PSMF1: variants seen among roughly 807,000 people sequenced by gnomAD.
The protein encoded by PSMF1 is proteasome inhibitor PI31 subunit.
In PSMF1, 30 loss-of-function variants were observed where a neutral mutation model predicts 29.3. That is an observed-to-expected ratio of 1.02 (90% CI 0.77 to 1.39). PSMF1 has a LOEUF of 1.39. Among genes scored for constraint, PSMF1 ranks in the 40% most tolerant of loss-of-function variants. The pLI is 0.00. For synonymous variants in PSMF1, 134 were observed against 139.7 expected, an observed-to-expected ratio of 0.96 and a Z score of 0.29; for missense variants, 344 against 357.5, an observed-to-expected ratio of 0.96 and a Z score of 0.31.
At chr20:1,130,769 A>G (rs1212007217) in intron 3 of PSMF1, among the ~76,000 whole-genome samples, 1 of 152,184 alleles carries the variant, frequency 6.6e-6, no homozygotes, top group Non-Finnish European at 1.5e-5. Context: ...TGAGCCTCCC[A>G]AATAATTGGG....
chr20:1,157,653 C>G (rs1201661073), intron 4 of PSMF1, among the ~76,000 whole-genome samples: 1 of 152,140 alleles, frequency 6.6e-6, no homozygotes, highest in African/African-American at 2.4e-5. Context: ...AATTACAGTC[C>G]TCGTTTCTGC....
chr20:1,119,223 T>C (rs1197669066), intron 1 of PSMF1, among the ~76,000 whole-genome samples: 1 of 151,964 alleles, frequency 6.6e-6, no homozygotes, highest in Non-Finnish European at 1.5e-5. Flanking sequence ...TAGACAGGAG[T>C]TTAGCTCCCC....
In PSMF1 at chr20:1,164,962, T is replaced by C; in HGVS notation, c.765-67T>C. On this transcript the variant is annotated intron_variant, in intron 6 of 6. Transcript: ENST00000335877. This position sits in a 1 kb window ranked among gnomAD's most constrained non-coding sequence, Gnocchi z 4.1. The stretch of plus-strand genomic sequence containing the variant: ...AAGGGCAGGCTCCCTCAGTGCAGGG[T>C]CATGTCTGCCCATGTTCCCCTGGTC... The C allele has an allele frequency of 7.3e-7, 1 of 1,371,608 alleles. No homozygotes were observed. The highest frequency in any genetic ancestry group is 1.0e-6 in the Non-Finnish European group (1 of 959,764). The allele number at this position is 1,371,608 out of a possible 1,614,324, so 85.0% of individuals were successfully genotyped here. A position where few individuals can be genotyped will look rare whatever the true frequency, so the allele number is the denominator to read the frequency against.
chr20:1,147,857 T>G (rs1600162523), intron 4 of PSMF1, among the ~76,000 whole-genome samples: 1 of 152,128 alleles, frequency 6.6e-6, no homozygotes, highest in Non-Finnish European at 1.5e-5. Flanking sequence ...ATGCCCAGTT[T>G]TGGGGGGAGG....
At chr20:1,141,288 G>A (rs560109401) in intron 4 of PSMF1, among the ~76,000 whole-genome samples, 16 of 152,116 alleles carry the variant, frequency 1.1e-4, no homozygotes, top group Non-Finnish European at 1.6e-4. Flanking sequence ...TAAAAACCAT[G>A]CGTTATACAT....
chr20:1,127,564 A>G, intron 3 of PSMF1, 56 bp downstream of exon 3: 5 of 1,381,208 alleles, frequency 3.6e-6, no homozygotes, highest in Non-Finnish European at 5.2e-6. Flanking sequence ...TAATGGCAAG[A>G]TATGAGGAAT....
chr20:1,140,357 T>C (rs1345128160), intron 4 of PSMF1, among the ~76,000 whole-genome samples: 2 of 152,164 alleles, frequency 1.3e-5, no homozygotes, highest in Non-Finnish European at 2.9e-5. Flanking sequence ...AGAGAAACCA[T>C]AGTCTTTTCA....
intron 4 of PSMF1, among the ~76,000 whole-genome samples, chr20:1,138,660 C>CA (rs1253055733): frequency 6.6e-6 from 1 of 151,282 alleles, no homozygotes; most frequent in Non-Finnish European, 1.5e-5. Context: ...CCTGTCTTTA[C>CA]AAAAAAAATT....
At chr20:1,152,984 T>G (rs1006703587) in intron 4 of PSMF1, among the ~76,000 whole-genome samples, 5 of 152,234 alleles carry the variant, frequency 3.3e-5, no homozygotes, top group South Asian at 2.1e-4. Context: ...CAAGCCTGTT[T>G]ATAGAGATTT....
chr20:1,146,841 G>A (rs544484005), intron 4 of PSMF1, among the ~76,000 whole-genome samples: 15 of 152,268 alleles, frequency 9.9e-5, no homozygotes, highest in Non-Finnish European at 1.8e-4. Flanking sequence ...GAATGTGATC[G>A]TGGATATCAC....
rs1320189322 is a variant in PSMF1, at chr20:1,170,375, A to G, written c.*5295A>G. On this transcript the variant is annotated 3_prime_UTR_variant, in exon 7 of 7. Coordinates refer to ENST00000335877, the MANE Select transcript of PSMF1 (RefSeq NM_006814.5). Reference sequence around the variant, plus strand: ...CACATTATGATTAATGCATGCATGAACTCTGATTCGAAGTTTTCGTTGATT... The same window carrying G: ...CACATTATGATTAATGCATGCATGAGCTCTGATTCGAAGTTTTCGTTGATT... Among the ~76,000 whole-genome samples the G allele has an allele frequency of 2.0e-5, 3 of 151,998 alleles. No individual in the cohort carries two copies. The highest frequency in any genetic ancestry group is 7.3e-5 in the African/African-American group (3 of 41,362).
intron 4 of PSMF1, among the ~76,000 whole-genome samples, chr20:1,144,584 T>C (rs1174354864): frequency 3.9e-5 from 6 of 152,248 alleles, no homozygotes; most frequent in Admixed American, 3.3e-4. Flanking sequence ...TACTGTGGAA[T>C]ACCACTCGGC....
Position 1,135,165 on chromosome 20 carries a change from G to C in PSMF1, c.410G>C (p.Gly137Ala), listed in dbSNP as rs141436228. Residue 137 changes from glycine to alanine, a missense_variant, in exon 4 of 7, where the codon GGA (glycine) becomes GCA (alanine). Physicochemically the swap from Gly to Ala is moderately conservative, Grantham distance 60. Coordinates refer to ENST00000335877, the MANE Select transcript of PSMF1 (RefSeq NM_006814.5). ...SEELRSRIVS[G>A]IITPIHEQWE... ...GAGCTTCGGTCTCGTATTGTGTCTG[G>C]AATCATCACACCTATCCATGAGCAG... is the stretch of plus-strand genomic sequence containing the variant. 5.8e-5 allele frequency: 94 copies of C among 1,614,154 alleles called. 1 individual carries two copies. In the Middle Eastern group the frequency reaches 8.2e-4, roughly 14 times the overall value.
chr20:1,152,419 T>C (rs1179761385), intron 4 of PSMF1, among the ~76,000 whole-genome samples: 1 of 152,170 alleles, frequency 6.6e-6, no homozygotes, highest in Non-Finnish European at 1.5e-5. Flanking sequence ...AACAAAGAAA[T>C]GAACTTGGCT....
chr20:1,133,569 A>ATATTT, intron 3 of PSMF1, among the ~76,000 whole-genome samples: 2 of 53,288 alleles, frequency 3.8e-5, no homozygotes, highest in Non-Finnish European at 9.1e-5. Context: ...ATATATATAT[A>ATATTT]TTTTTTTTTT....
chr20:1,141,859 T>C (rs943265775), intron 4 of PSMF1, among the ~76,000 whole-genome samples: 1 of 152,222 alleles, frequency 6.6e-6, no homozygotes, highest in Non-Finnish European at 1.5e-5. Context: ...AATTGTATTT[T>C]TATATACTAG....
At chr20:1,115,725 A>G (rs1161379847), upstream of PSMF1, among the ~76,000 whole-genome samples, 1 of 139,576 alleles carries the variant, frequency 7.2e-6, no homozygotes, top group Admixed American at 7.9e-5. Flanking sequence ...ACACCTTTTG[A>G]TCCTTAATCC....
chr20:1,142,220 C>T (rs1020488304), intron 4 of PSMF1, among the ~76,000 whole-genome samples: 8 of 152,190 alleles, frequency 5.3e-5, no homozygotes, highest in Non-Finnish European at 1.2e-4. Flanking sequence ...GAGCGAGACT[C>T]CTTCCCAAAA....
At position 1,127,467 on chromosome 20, in the gene PSMF1, G is replaced by A. The variant is rs774126130; in HGVS notation, c.324G>A (p.Leu108=). The A allele has an allele frequency of 2.5e-6, 4 of 1,609,108 alleles. No homozygotes were observed. The highest frequency in any genetic ancestry group is 3.4e-6 in the Non-Finnish European group (4 of 1,175,398). ...AAGTGGCAGACTTGACCCTGAACTT[G>A]GATGATTATATCGATGCAGAACACC... ...SQQVADLTLN[L]DDYIDAEHLG... The change falls in exon 3 of 7, where the codon TTG becomes TTA. Residue 108 remains leucine, a synonymous_variant. Coordinates refer to ENST00000335877, the MANE Select transcript of PSMF1 (RefSeq NM_006814.5).
Sources: gnomAD v4.1 joint callset for allele counts (sites outside exome capture counted in the v4.1 genomes callset) on GRCh38, gnomAD v4.1.1 for gene constraint, Gnocchi (gnomAD v3.1) non-coding constraint, MANE v1.5 for transcripts, NCBI Gene and HGNC (gene_info 2026-07-23, HGNC 2026-07-21) for gene names.